Variants in DNPEP observed in about 807,000 individuals in gnomAD.
The protein encoded by DNPEP is aspartyl aminopeptidase.
Under a neutral mutation model 59.1 loss-of-function variants are expected in DNPEP, and 46 were observed. The ratio of observed to expected loss-of-function variants is 0.78; its 90% CI spans 0.61 to 0.99. The LOEUF is 0.99. Among genes scored for constraint, DNPEP ranks in the 50% least tolerant of loss-of-function variants. The probability of loss-of-function intolerance (pLI) is 0.00; values close to 1 mark genes in which losing one functional copy is unlikely to be tolerated. For missense variants in DNPEP, 617 were observed against 649.9 expected (o/e 0.95, Z 0.55); for synonymous variants, 229 against 242.2 (o/e 0.95, Z 0.50).
At position 219,387,750 on chromosome 2, in the gene DNPEP, G is replaced by T. The variant is rs1392313620; in HGVS notation, c.36+9C>A. 1.2e-6 allele frequency: 2 copies of T among 1,608,066 alleles called. No individual in the cohort carries two copies. Among genetic ancestry groups the T allele is most frequent in the South Asian group, 2.2e-5 (2 of 90,880 alleles). ...CGAAATTCAAGTGGGGCCGTCGGGA[G>T]CCACTTACCTGCATGGCCCCGCGCG... is the stretch of plus-strand genomic sequence containing the variant. On this transcript the variant is annotated intron_variant, in intron 1 of 14. Transcript: ENST00000273075.
intron 13 of DNPEP, among the ~76,000 whole-genome samples, chr2:219,379,583 C>T (rs1953504801): frequency 1.3e-5 from 2 of 152,168 alleles, no homozygotes; most frequent in Admixed American, 6.5e-5. Context: ...TTTAAGCCAA[C>T]TGTTGTTACA....
At chr2:219,375,134 G>T (rs1353959329) in intron 13 of DNPEP, 112 bp from the exon 14 acceptor site, 1 of 1,151,370 alleles carries the variant, frequency 8.7e-7, no homozygotes, top group Non-Finnish European at 1.2e-6. Flanking sequence ...TGGTCCATTC[G>T]GAGCATAAAA....
intron 10 of DNPEP, 101 bp from the exon 11 acceptor site, chr2:219,382,240 T>C: frequency 7.3e-7 from 1 of 1,360,688 alleles, no homozygotes; most frequent in Middle Eastern, 2.5e-4. Flanking sequence ...AAAACCCCAC[T>C]GAGTCACTGG....
chr2:219,380,837 AT>A (rs948141828), intron 13 of DNPEP, among the ~76,000 whole-genome samples: 9 of 139,838 alleles, frequency 6.4e-5, no homozygotes, highest in African/African-American at 2.3e-4. Flanking sequence ...TACAACATAT[AT>A]ATGTACACAC....
Position 219,374,994 on chromosome 2 carries a change from CA to C in DNPEP, c.1267del (p.Cys423ValfsTer20), listed in dbSNP as rs1384699764. 1 of 1,613,992 alleles carries C rather than the reference CA, an allele frequency of 6.2e-7. No individual in the cohort carries two copies. Among genetic ancestry groups the C allele is most frequent in the Non-Finnish European group, 8.5e-7 (1 of 1,180,040 alleles). Reference sequence around the variant, plus strand: ...CAAGATAGGTCCAATGGTGGTTCCACAGGGGGTGTCATTCCGGACCATGAGA... The same window carrying C: ...CAAGATAGGTCCAATGGTGGTTCCACGGGGGTGTCATTCCGGACCATGAGA... ...QDLMVRNDTPCGTTIGPILAS... is the reference protein window; with the variant it reads ...QDLMVRNDTPXGTTIGPILAS... On this transcript the variant is annotated frameshift_variant, in exon 14 of 15. Transcript: ENST00000273075. LOFTEE classifies it high-confidence loss of function.
In DNPEP at chr2:219,386,761, G is replaced by A. The variant is rs771863300; in HGVS notation, c.237C>T (p.Asn79=). 3.7e-6 allele frequency: 6 copies of A among 1,613,226 alleles called. No individual in the cohort carries two copies. In the South Asian group the frequency reaches 4.4e-5, roughly 12 times the overall value. Residue 79 remains asparagine, a synonymous_variant, in exon 4 of 15, where the codon AAC becomes AAT. Coordinates refer to ENST00000273075, the MANE Select transcript of DNPEP (RefSeq NM_012100.4). The stretch of plus-strand genomic sequence containing the variant: ...CAGCAAAAGCTATGATGGTGGAGGA[G>A]TTCCTGGTCATGAAGTACTGAGGAG... ...KPESKYFMTR[N]SSTIIAFAVG...
At chr2:219,386,836 G>C (rs146919899) in intron 3 of DNPEP, 56 bp downstream of exon 3, 3 of 1,609,616 alleles carry the variant, frequency 1.9e-6, no homozygotes, top group South Asian at 2.2e-5. Flanking sequence ...CTGGCACACA[G>C]GGCTTGGAGA....
At position 219,385,507 on chromosome 2, in the gene DNPEP, T is replaced by G. The variant is rs908439729; in HGVS notation, c.691A>C (p.Met231Leu). ...CCCAGATGGGCACAGAGCAGGGACA[T>G]GAGGACCGAATGGTGCCGCTCATCC... ...AVDERHHSVL[M>L]SLLCAHLGLS... is the part of the protein sequence containing the mutation. The change falls in exon 8 of 15, where the codon ATG (methionine) becomes CTG (leucine). Residue 231 changes from methionine to leucine, a missense_variant. Physicochemically the swap from Met to Leu is conservative, Grantham distance 15 (BLOSUM62 2). Transcript: ENST00000273075. The G allele has an allele frequency of 1.9e-6, 3 of 1,604,840 alleles. No individual in the cohort carries two copies. The East Asian group carries it at 6.7e-5, about 36-fold the overall frequency.
upstream of DNPEP, among the ~76,000 whole-genome samples, chr2:219,388,301 C>A (rs1223461618): frequency 6.8e-6 from 1 of 147,830 alleles, no homozygotes; most frequent in Non-Finnish European, 1.5e-5. Context: ...GCCCTGCCCC[C>A]GCCCTTGCTC....
chr2:219,389,832 C>CAATAAATAAATA (rs6147178), upstream of DNPEP, among the ~76,000 whole-genome samples: 854 of 143,022 alleles, frequency 6.0e-3, 13 homozygotes, highest in Non-Finnish European at 8.4e-3. Flanking sequence ...GATTCTGTCT[C>CAATAAATAAATA]AATAAATAAA....
At chr2:219,381,688 C>T (rs1383473259) in intron 11 of DNPEP, 104 bp from the exon 12 acceptor site, 18 of 1,329,654 alleles carry the variant, frequency 1.4e-5, no homozygotes, top group Admixed American at 1.7e-5. Context: ...CACTCTTTCC[C>T]GCCCAGCCCA....
At chr2:219,385,171 G>A (rs765267672) in intron 8 of DNPEP, 10 of 449,688 alleles carry the variant, frequency 2.2e-5, no homozygotes, top group Non-Finnish European at 3.6e-5. Context: ...GGGCCCACCT[G>A]TAGAAGAAAC....
At chr2:219,396,313 G>A (rs1183813687) in intron 1 of DNPEP, among the ~76,000 whole-genome samples, 5 of 152,134 alleles carry the variant, frequency 3.3e-5, no homozygotes, top group Admixed American at 6.5e-5. Flanking sequence ...AGGGCTGGGC[G>A]TGGGTGGCTT....
rs1422652133 is a variant in DNPEP at position 219,382,006 on chromosome 2, A to G, written c.1070T>C (p.Met357Thr). 1 of 1,614,244 alleles carries G rather than the reference A, an allele frequency of 6.2e-7. No homozygotes were observed. Among genetic ancestry groups the G allele is most frequent in the Admixed American group, 1.7e-5 (1 of 60,030 alleles). Residue 357 changes from methionine to threonine, a missense_variant, in exon 11 of 15, where the codon ATG (methionine) becomes ACG (threonine). Physicochemically the swap from Met to Thr is moderately conservative, Grantham distance 81 (BLOSUM62 -1). Transcript: ENST00000273075. ...IPKSFMISADMAHAVHPNYLD... is the reference protein window; with the variant it reads ...IPKSFMISADTAHAVHPNYLD... ...GTAGTTGGGATGCACAGCATGGGCC[A>G]TGTCTGCGCTGATCATGAAGGACTT...
chr2:219,384,497 T>C (rs923728332), intron 8 of DNPEP, 54 bp from the exon 9 acceptor site: 5 of 1,489,746 alleles, frequency 3.4e-6, no homozygotes, highest in Non-Finnish European at 4.6e-6. Context: ...CCACTCACCT[T>C]TCTTTTGCTC....
chr2:219,385,981 T>C lies in DNPEP; in HGVS notation c.577A>G (p.Thr193Ala). Reference protein sequence around the residue: ...RNINENFGPNTEMHLVPILAT... With the variant: ...RNINENFGPNAEMHLVPILAT... Reference sequence around the variant, plus strand: ...CCCCAGTCTCACAGATGCATCTCTGTGTTGGGCCCAAAGTTCTCGTTGATA... The same window carrying C: ...CCCCAGTCTCACAGATGCATCTCTGCGTTGGGCCCAAAGTTCTCGTTGATA... The change falls in exon 6 of 15, where the codon ACA becomes GCA. Residue 193 changes from threonine (T) to alanine (A), a missense_variant. Coordinates refer to ENST00000273075, the MANE Select transcript of DNPEP (RefSeq NM_012100.4). The C allele has an allele frequency of 1.2e-6, 2 of 1,614,124 alleles. No individual in the cohort carries two copies. The highest frequency in any genetic ancestry group is 1.3e-5 in the African/African-American group (1 of 75,016).
chr2:219,380,098 G>C (rs976488983), intron 13 of DNPEP, among the ~76,000 whole-genome samples: 1 of 151,936 alleles, frequency 6.6e-6, no homozygotes, highest in African/African-American at 2.4e-5. Flanking sequence ...CACTCACCCA[G>C]GGCAACTTCG....
chr2:219,389,379 TA>T (rs1420035705), upstream of DNPEP, among the ~76,000 whole-genome samples: 2 of 151,928 alleles, frequency 1.3e-5, no homozygotes, highest in Non-Finnish European at 2.9e-5. Flanking sequence ...ACCTGCCGTT[TA>T]TATACCTGGG....
chr2:219,385,994 G>T lies in DNPEP; in HGVS notation c.564C>A (p.Asn188Lys), dbSNP rs1188041550. Residue 188 changes from asparagine to lysine, a missense_variant, in exon 6 of 15, where the codon AAC becomes AAA. By Grantham distance (94) the Asn-to-Lys change is moderately conservative. Transcript: ENST00000273075. ...GATGCATCTCTGTGTTGGGCCCAAAGTTCTCGTTGATATTTCGCTGCAGAT... is the reference window on the plus strand; with the variant it reads ...GATGCATCTCTGTGTTGGGCCCAAATTTCTCGTTGATATTTCGCTGCAGAT... Reference protein sequence around the residue: ...AIHLQRNINENFGPNTEMHLV... With the variant: ...AIHLQRNINEKFGPNTEMHLV... 2 of 1,614,182 alleles carry T rather than the reference G, an allele frequency of 1.2e-6. No homozygotes were observed.
Sources: gnomAD v4.1 joint callset for allele counts (sites outside exome capture counted in the v4.1 genomes callset) on GRCh38, gnomAD v4.1.1 for gene constraint, MANE v1.5 for transcripts, NCBI Gene and HGNC (gene_info 2026-07-23, HGNC 2026-07-21) for gene names.